The following MACROD2 variants were observed in gnomAD, a reference collection of about 807,000 sequenced individuals.
The protein encoded by MACROD2 is mono-ADP ribosylhydrolase 2.
In MACROD2, 36 loss-of-function variants were observed where a neutral mutation model predicts 70.4. That is an observed-to-expected ratio of 0.51 (90% CI 0.39 to 0.68). The LOEUF (loss-of-function observed/expected upper bound fraction) is 0.68, where lower values mean the gene tolerates loss of function less well. MACROD2 is among the 30% of genes least tolerant of loss of function. The pLI, the probability that MACROD2 is intolerant of heterozygous loss-of-function variation, is 0.00. For synonymous variants in MACROD2, 172 were observed against 178.8 expected, an observed-to-expected ratio of 0.96 and a Z score of 0.30; for missense variants, 496 against 538.4, an observed-to-expected ratio of 0.92 and a Z score of 0.78.
intron 5 of MACROD2, among the ~76,000 whole-genome samples, chr20:14,990,515 CT>C (rs541686087): frequency 0.055 from 7,132 of 129,242 alleles, 184 homozygotes; most frequent in Non-Finnish European, 0.08. Context: ...TTTTCTTTTT[CT>C]TTTTTTTTTT....
At chr20:14,167,960 C>T (rs553319702) in intron 3 of MACROD2, among the ~76,000 whole-genome samples, 1 of 152,072 alleles carries the variant, frequency 6.6e-6, no homozygotes, top group African/African-American at 2.4e-5. Context: ...ACTCATCAGT[C>T]AAAAGAAATA....
At chr20:15,603,093 A>G (rs1174747575) in intron 8 of MACROD2, among the ~76,000 whole-genome samples, 3 of 152,190 alleles carry the variant, frequency 2.0e-5, no homozygotes, top group Non-Finnish European at 4.4e-5. Flanking sequence ...AAGCACAATA[A>G]TAAATATGAC....
intron 6 of MACROD2, among the ~76,000 whole-genome samples, chr20:15,237,667 A>T (rs557033693): frequency 1.2e-4 from 19 of 152,250 alleles, no homozygotes; most frequent in Admixed American, 2.6e-4. Context: ...AGCAGCCAGG[A>T]GGAGTGGGAG....
intron 10 of MACROD2, among the ~76,000 whole-genome samples, chr20:15,905,908 T>C (rs75467112): frequency 0.034 from 5,210 of 152,196 alleles, 177 homozygotes; most frequent in African/African-American, 0.083. Flanking sequence ...AATGATTTCA[T>C]CTCCAGGGAT....
intron 8 of MACROD2, among the ~76,000 whole-genome samples, chr20:15,642,927 T>C (rs755267105): frequency 6.6e-6 from 1 of 152,156 alleles, no homozygotes; most frequent in Non-Finnish European, 1.5e-5. Context: ...TCAGGAGACT[T>C]CCTGTTTATA....
chr20:15,976,705 T>G (rs2066311702), intron 13 of MACROD2, among the ~76,000 whole-genome samples: 1 of 152,116 alleles, frequency 6.6e-6, no homozygotes, highest in African/African-American at 2.4e-5. Flanking sequence ...CTTGTTTTGT[T>G]TCTTCCCCCA....
intron 8 of MACROD2, among the ~76,000 whole-genome samples, chr20:15,768,057 GAAAAT>G (rs2051556689): frequency 1.3e-5 from 2 of 151,848 alleles, no homozygotes; most frequent in South Asian, 4.2e-4. Flanking sequence ...AGGCAATAGA[GAAAAT>G]AAAAGATATA....
intron 8 of MACROD2, among the ~76,000 whole-genome samples, chr20:15,688,685 A>G (rs2050259365): frequency 6.6e-6 from 1 of 152,230 alleles, no homozygotes; most frequent in Non-Finnish European, 1.5e-5. Flanking sequence ...GATGCATACA[A>G]TGTGCGTGAA....
intron 7 of MACROD2, among the ~76,000 whole-genome samples, chr20:15,450,284 T>TATG (rs2046623040): frequency 6.6e-6 from 1 of 151,974 alleles, no homozygotes; most frequent in South Asian, 2.1e-4. Flanking sequence ...TGCTCTTACC[T>TATG]ATGTATATTG....
chr20:15,727,237 A>G (rs1331830564), intron 8 of MACROD2, among the ~76,000 whole-genome samples: 1 of 151,912 alleles, frequency 6.6e-6, no homozygotes, highest in East Asian at 1.9e-4. Flanking sequence ...CTTAACAAAA[A>G]CAGATGGCTG....
chr20:15,464,710 T>C (rs1568827460), intron 7 of MACROD2, among the ~76,000 whole-genome samples: 1 of 152,218 alleles, frequency 6.6e-6, no homozygotes. Context: ...TAATTGTCTT[T>C]CAGAACTCCA....
chr20:14,090,488 G>A (rs1343273754), intron 3 of MACROD2, among the ~76,000 whole-genome samples: 4 of 151,178 alleles, frequency 2.6e-5, no homozygotes, highest in African/African-American at 7.3e-5. Flanking sequence ...CAGGAGAATC[G>A]CTTGAACCCG....
chr20:14,135,100 A>T (rs2054777004), intron 3 of MACROD2, among the ~76,000 whole-genome samples: 1 of 152,132 alleles, frequency 6.6e-6, no homozygotes, highest in Non-Finnish European at 1.5e-5. Flanking sequence ...TTATGAAAGA[A>T]CTTCATTCTT....
intron 5 of MACROD2, among the ~76,000 whole-genome samples, chr20:14,956,536 T>G (rs544998503): frequency 1.0e-3 from 158 of 152,266 alleles, no homozygotes; most frequent in Non-Finnish European, 2.0e-3. Flanking sequence ...CATGCCACCC[T>G]GTGCTGTTGT....
chr20:14,212,189 T>C (rs2081576764), intron 3 of MACROD2, among the ~76,000 whole-genome samples: 1 of 152,122 alleles, frequency 6.6e-6, no homozygotes, highest in Non-Finnish European at 1.5e-5. Context: ...GTTCAAAAAA[T>C]TATATTAATG....
At chr20:14,181,597 T>C (rs572848882) in intron 3 of MACROD2, among the ~76,000 whole-genome samples, 14 of 152,082 alleles carry the variant, frequency 9.2e-5, no homozygotes, top group East Asian at 5.8e-4. Context: ...TTTTTTTTTT[T>C]CCCCAGAAGG....
chr20:14,025,102 G>A (rs1158409048), intron 2 of MACROD2, among the ~76,000 whole-genome samples: 1 of 152,208 alleles, frequency 6.6e-6, no homozygotes, highest in African/African-American at 2.4e-5. Flanking sequence ...TCTTGGGACA[G>A]TGTATGTGTC....
chr20:15,713,373 A>C (rs2146920137), intron 8 of MACROD2, among the ~76,000 whole-genome samples: 1 of 152,294 alleles, frequency 6.6e-6, no homozygotes, highest in African/African-American at 2.4e-5. Flanking sequence ...TCTCACACTG[A>C]TGTAAAGAAG....
intron 7 of MACROD2, 124 bp downstream of exon 7, chr20:15,431,559 G>C (rs577004489): frequency 2.3e-6 from 2 of 868,320 alleles, no homozygotes; most frequent in Non-Finnish European, 3.7e-6. Flanking sequence ...GACTAAAAAT[G>C]CTCGTCAAAT....
Sources: gnomAD v4.1 joint callset for allele counts (sites outside exome capture counted in the v4.1 genomes callset) on GRCh38, gnomAD v4.1.1 for gene constraint, MANE v1.5 for transcripts, NCBI Gene and HGNC (gene_info 2026-07-23, HGNC 2026-07-21) for gene names.